The following SH3GL2 variants were observed in gnomAD, a reference collection of about 807,000 sequenced individuals.
The protein encoded by SH3GL2 is SH3 domain containing GRB2 like 2, endophilin A1.
In SH3GL2, 24 loss-of-function variants were observed where a neutral mutation model predicts 46.0. The ratio of observed to expected loss-of-function variants is 0.52; its 90% CI spans 0.38 to 0.73. The LOEUF is 0.73. SH3GL2 is among the 30% of genes least tolerant of loss of function. SH3GL2 has a pLI of 0.00. For synonymous variants in SH3GL2, 196 were observed against 147.1 expected (o/e 1.33, Z -2.40); for missense variants, 413 against 424.2 (o/e 0.97, Z 0.23).
chr9:17,688,049 C>G (rs1054282485), intron 1 of SH3GL2, among the ~76,000 whole-genome samples: 2 of 152,050 alleles, frequency 1.3e-5, no homozygotes, highest in African/African-American at 4.8e-5. Context: ...ACAAGTTAGC[C>G]TTCTGCTCCC....
intron 2 of SH3GL2, among the ~76,000 whole-genome samples, chr9:17,751,433 T>C (rs1222808003): frequency 6.6e-6 from 1 of 151,932 alleles, no homozygotes; most frequent in Admixed American, 6.6e-5. Context: ...AAGAAAAACT[T>C]TTGGCTATCA....
chr9:17,735,146 C>T (rs910813382), intron 1 of SH3GL2, among the ~76,000 whole-genome samples: 8 of 152,054 alleles, frequency 5.3e-5, no homozygotes, highest in African/African-American at 1.9e-4. Flanking sequence ...TCTGTCTCTT[C>T]CTCTCAGGTC....
At chr9:17,687,432 T>C (rs1479875399) in intron 1 of SH3GL2, among the ~76,000 whole-genome samples, 3 of 139,804 alleles carry the variant, frequency 2.1e-5, no homozygotes, top group African/African-American at 8.2e-5. Context: ...TGCTGAATGG[T>C]AACACTGAGA....
At chr9:17,594,677 C>T (rs192142437) in intron 1 of SH3GL2, among the ~76,000 whole-genome samples, 20 of 152,080 alleles carry the variant, frequency 1.3e-4, no homozygotes, top group Admixed American at 1.3e-3. Context: ...TGTGTTGTAC[C>T]TCTGTGAAGT....
chr9:17,646,770 C>T (rs1057509080), intron 1 of SH3GL2, among the ~76,000 whole-genome samples: 4 of 152,162 alleles, frequency 2.6e-5, no homozygotes, highest in Admixed American at 2.0e-4. Context: ...GGGCAACTGC[C>T]AGATGCCAGC....
intron 1 of SH3GL2, among the ~76,000 whole-genome samples, chr9:17,729,778 T>C (rs1450765302): frequency 6.6e-6 from 1 of 152,146 alleles, no homozygotes; most frequent in Non-Finnish European, 1.5e-5. Context: ...TGTAGATGTG[T>C]AGTGTTATTT....
intron 1 of SH3GL2, among the ~76,000 whole-genome samples, chr9:17,743,625 T>C (rs1563835955): frequency 7.0e-6 from 1 of 143,348 alleles, no homozygotes; most frequent in Non-Finnish European, 1.5e-5. Context: ...AGCCAATGGA[T>C]TGATGATTTG....
intron 1 of SH3GL2, among the ~76,000 whole-genome samples, chr9:17,733,343 G>T (rs930761455): frequency 7.9e-5 from 12 of 151,636 alleles, no homozygotes; most frequent in African/African-American, 2.9e-4. Context: ...AGTTACATAT[G>T]TATACATGTG....
At chr9:17,647,968 C>G (rs914963826) in intron 1 of SH3GL2, among the ~76,000 whole-genome samples, 2 of 152,150 alleles carry the variant, frequency 1.3e-5, no homozygotes, top group African/African-American at 4.8e-5. Flanking sequence ...AGATGAAGAC[C>G]TTTGTGATGA....
intron 1 of SH3GL2, among the ~76,000 whole-genome samples, chr9:17,645,680 A>C (rs1266441065): frequency 1.3e-5 from 2 of 152,094 alleles, no homozygotes; most frequent in African/African-American, 4.8e-5. Context: ...TCTTGTCTTT[A>C]AGAATGTTGA....
intron 1 of SH3GL2, among the ~76,000 whole-genome samples, chr9:17,718,920 G>A (rs7865066): frequency 0.09 from 13,632 of 152,112 alleles, 762 homozygotes; most frequent in Admixed American, 0.18. Context: ...CTTCTTCTGC[G>A]TGTGACCTTG....
chr9:17,684,705 A>G (rs966458673), intron 1 of SH3GL2, among the ~76,000 whole-genome samples: 32 of 152,134 alleles, frequency 2.1e-4, no homozygotes, highest in African/African-American at 7.2e-4. Context: ...TTCAAAGTCA[A>G]CCAGAGAAAA....
chr9:17,663,235 T>C lies in SH3GL2; in HGVS notation c.46-83831T>C, dbSNP rs919344631. ...GCTGGAAAAATACCCCAGCTGAGAA[T>C]TGATCTTTTAGTTGTTGATTTTAGT... On this transcript the variant is annotated intron_variant, in intron 1 of 8. Transcript: ENST00000380607. Among the ~76,000 whole-genome samples the C allele has an allele frequency of 3.3e-5, 5 of 152,340 alleles. No individual in the cohort carries two copies. In the East Asian group the frequency reaches 7.7e-4, roughly 24 times the overall value.
At position 17,641,710 on chromosome 9, in the gene SH3GL2, G is replaced by C. The variant is rs147394229; in HGVS notation, c.45+62423G>C. On this transcript the variant is annotated intron_variant, in intron 1 of 8. Transcript: ENST00000380607. ...GTGGTGTTTGGTTTTCTGTTCCTCT[G>C]TGAGTTTGCTGAGAATGATGGTTTC... Among the ~76,000 whole-genome samples the C allele has an allele frequency of 2.3e-4, 35 of 152,210 alleles. No homozygotes were observed. In the East Asian group the frequency reaches 5.8e-3, roughly 25 times the overall value.
At chr9:17,638,903 ATT>A (rs1819609839) in intron 1 of SH3GL2, among the ~76,000 whole-genome samples, 1 of 152,162 alleles carries the variant, frequency 6.6e-6, no homozygotes, top group Non-Finnish European at 1.5e-5. Flanking sequence ...GGACATCCGA[ATT>A]ACAGGGGTTT....
At chr9:17,783,244 C>G (rs1823863142) in intron 3 of SH3GL2, among the ~76,000 whole-genome samples, 2 of 151,914 alleles carry the variant, frequency 1.3e-5, no homozygotes, top group African/African-American at 2.4e-5. Flanking sequence ...GTGCTCAAAG[C>G]TAATGTTCAT....
chr9:17,660,332 T>G (rs1298377713), intron 1 of SH3GL2, among the ~76,000 whole-genome samples: 1 of 152,182 alleles, frequency 6.6e-6, no homozygotes, highest in Non-Finnish European at 1.5e-5. Flanking sequence ...TGTGTGTCTG[T>G]GGACCTCTTT....
At chr9:17,674,379 G>A (rs1332481224) in intron 1 of SH3GL2, among the ~76,000 whole-genome samples, 1 of 152,016 alleles carries the variant, frequency 6.6e-6, no homozygotes, top group African/African-American at 2.4e-5. Flanking sequence ...CGATTCTTTT[G>A]CCTGAACCTC....
intron 1 of SH3GL2, among the ~76,000 whole-genome samples, chr9:17,663,689 TGA>T (rs1182631590): frequency 6.6e-6 from 1 of 152,218 alleles, no homozygotes; most frequent in Non-Finnish European, 1.5e-5. Flanking sequence ...ATAAATTTAC[TGA>T]GGAACAATTT....
Sources: allele counts gnomAD v4.1 joint callset (sites outside exome capture counted in the v4.1 genomes callset), GRCh38; gene constraint gnomAD v4.1.1; transcripts MANE v1.5; gene names NCBI Gene and HGNC (gene_info 2026-07-23, HGNC 2026-07-21).